RBMS2: variants seen among roughly 807,000 people sequenced by gnomAD.
The protein encoded by RBMS2 is RNA binding motif single stranded interacting protein 2.
A neutral mutation model predicts 58.4 loss-of-function variants in RBMS2; 38 were observed. The observed-to-expected ratio is 0.65, with a 90% CI of 0.50 to 0.85. The LOEUF is 0.85. RBMS2 is among the 40% of genes least tolerant of loss of function. RBMS2 has a pLI of 0.00. For synonymous variants in RBMS2, 151 were observed against 180.7 expected (o/e 0.84, Z 1.32); for missense variants, 367 against 503.7 (o/e 0.73, Z 2.60).
intron 1 of RBMS2, among the ~76,000 whole-genome samples, chr12:56,536,557 CT>C (rs1317389712): frequency 6.6e-6 from 1 of 150,552 alleles, no homozygotes; most frequent in Non-Finnish European, 1.5e-5. Context: ...TTCTCTCCTT[CT>C]TTCTTTTTTT....
At chr12:56,581,292 G>A in intron 6 of RBMS2, 29 bp downstream of exon 6, 1 of 1,584,832 alleles carries the variant, frequency 6.3e-7, no homozygotes, top group Non-Finnish European at 8.7e-7. Flanking sequence ...AGGCTGAGAG[G>A]GCCACAGGTT....
At chr12:56,559,868 A>G (rs1880051451) in intron 1 of RBMS2, among the ~76,000 whole-genome samples, 2 of 143,924 alleles carry the variant, frequency 1.4e-5, no homozygotes, top group African/African-American at 5.0e-5. Context: ...AAAAAAAAAA[A>G]AAAAAAAGGA....
intron 1 of RBMS2, among the ~76,000 whole-genome samples, chr12:56,542,723 A>T (rs1022162866): frequency 3.4e-5 from 5 of 149,148 alleles, no homozygotes; most frequent in African/African-American, 1.2e-4. Flanking sequence ...TAATTTTAAA[A>T]TTTTTTTGTA....
intron 1 of RBMS2, chr12:56,528,046 C>T (rs1180565032): frequency 6.6e-6 from 1 of 151,952 alleles, no homozygotes; most frequent in Non-Finnish European, 1.5e-5. Context: ...CCTAGGAGTT[C>T]CAGACCAGCC....
Position 56,593,205 on chromosome 12 carries a change from A to G in RBMS2, c.*4072A>G, listed in dbSNP as rs887465242. ...GCCCAGGCTGGAGTGCAGTGGCACC[A>G]TAATGGCTCACTGCAGCCTCGACCT... On this transcript the variant is annotated 3_prime_UTR_variant, in exon 14 of 14. Transcript: ENST00000262031. The G allele has an allele frequency of 2.0e-5, 3 of 152,318 alleles. No individual in the cohort carries two copies. Among genetic ancestry groups the G allele is most frequent in the African/African-American group, 7.2e-5 (3 of 41,442 alleles). The allele number at this position is 152,318 out of a possible 1,614,324, so 9.4% of individuals were successfully genotyped here.
chr12:56,569,990 G>A lies in RBMS2; in HGVS notation c.384G>A (p.Lys128=). The A allele has an allele frequency of 6.2e-7, 1 of 1,608,214 alleles. No homozygotes were observed. The highest frequency in any genetic ancestry group is 8.5e-7 in the Non-Finnish European group (1 of 1,174,626). The part of the protein sequence containing the change: ...KASGVQAQMA[K]QQEQDPTNLY... ...GCGGTGTACAGGCACAGATGGCAAA[G>A]GTAAGGGTACTACCCCATGTCTGTT... The change falls in exon 4 of 14, where the codon AAG becomes AAA. Residue 128 remains lysine (K), a splice_region_variant and synonymous_variant. Transcript: ENST00000262031.
chr12:56,588,302 G>A lies in RBMS2; in HGVS notation c.1071G>A (p.Pro357=), dbSNP rs201756438. The A allele has an allele frequency of 4.5e-4, 727 of 1,613,474 alleles. 3 individuals are homozygous for A. Among genetic ancestry groups the A allele is most frequent in the Middle Eastern group, 2.5e-3 (15 of 6,030 alleles). The change falls in exon 12 of 14, where the codon CCG becomes CCA. Residue 357 remains proline, a synonymous_variant. Transcript: ENST00000262031. ...LSLSSTGTYM[P]TAAAMQGAYI... is the part of the protein sequence containing the mutation. The stretch of plus-strand genomic sequence containing the variant: ...GATGTTTCTCTTTCTAGTATATGCC[G>A]ACGGCTGCAGCTATGCAAGGAGCTT...
chr12:56,527,148 TA>T (rs1170655556), intron 1 of RBMS2, among the ~76,000 whole-genome samples: 2 of 152,196 alleles, frequency 1.3e-5, no homozygotes, highest in Admixed American at 1.3e-4. Flanking sequence ...TGGATTCACT[TA>T]GTACTTCTAA....
At chr12:56,523,632 C>T (rs1243091045) in intron 1 of RBMS2, among the ~76,000 whole-genome samples, 3 of 151,960 alleles carry the variant, frequency 2.0e-5, no homozygotes, top group African/African-American at 4.8e-5. Context: ...TGGTGGCACG[C>T]GCCTGTAATC....
At chr12:56,552,251 G>T (rs935185051) in intron 1 of RBMS2, among the ~76,000 whole-genome samples, 1 of 152,202 alleles carries the variant, frequency 6.6e-6, no homozygotes, top group Non-Finnish European at 1.5e-5. Flanking sequence ...TTCCCTGGAG[G>T]TGGGAAGTAG....
In RBMS2 at chr12:56,594,858, TA is replaced by T. The variant is rs1885597653; in HGVS notation, c.*5726del. The T allele has an allele frequency of 6.6e-6, 1 of 152,208 alleles. No homozygotes were observed. Among genetic ancestry groups the T allele is most frequent in the South Asian group, 2.1e-4 (1 of 4,834 alleles). 9.4% of individuals were successfully genotyped at this position (152,208 alleles called of 1,614,324 possible). A position where few individuals can be genotyped will look rare whatever the true frequency, so the allele number is the denominator to read the frequency against. ...ACCTCACAATTCAACAACAGGTAAA[TA>T]CCTGGATTCACTGATTTCTTTACTG... On this transcript the variant is annotated 3_prime_UTR_variant, in exon 14 of 14. Transcript: ENST00000262031.
intron 1 of RBMS2, among the ~76,000 whole-genome samples, chr12:56,551,317 T>C (rs1592387300): frequency 6.6e-6 from 1 of 152,152 alleles, no homozygotes; most frequent in South Asian, 2.1e-4. Context: ...AGAAGAGGAC[T>C]CATAATTGTA....
intron 1 of RBMS2, among the ~76,000 whole-genome samples, chr12:56,558,590 C>CTTTTT (rs10676323): frequency 0.035 from 3,214 of 92,174 alleles, 161 homozygotes; most frequent in Admixed American, 0.042. Context: ...TTTCTTTTTC[C>CTTTTT]TTTTTTTTTT....
intron 7 of RBMS2, 26 bp from the exon 8 acceptor site, chr12:56,581,807 G>A (rs1376652798): frequency 2.5e-6 from 4 of 1,613,730 alleles, no homozygotes; most frequent in Admixed American, 1.7e-5. Flanking sequence ...GGCTCACAAT[G>A]TGAACACTGT....
chr12:56,561,508 A>AT (rs1880377116), intron 1 of RBMS2, among the ~76,000 whole-genome samples: 1 of 151,522 alleles, frequency 6.6e-6, no homozygotes, highest in African/African-American at 2.4e-5. Context: ...TTTGAGTTGC[A>AT]TTTCTTTCTT....
chr12:56,531,657 C>G lies in RBMS2; in HGVS notation c.66+9568C>G, dbSNP rs1168493627. On this transcript the variant is annotated intron_variant, in intron 1 of 13. Coordinates refer to ENST00000262031, the MANE Select transcript of RBMS2 (RefSeq NM_002898.4). Reference sequence around the variant, plus strand: ...CCTGGCCAACATAGTGAAACCCAGTCCCTACTAAAAATACAAAAAAATTAG... The same window carrying G: ...CCTGGCCAACATAGTGAAACCCAGTGCCTACTAAAAATACAAAAAAATTAG... 4.6e-5 allele frequency among the ~76,000 whole-genome samples: 7 copies of G among 151,184 alleles called. No homozygotes were observed. The East Asian group carries it at 5.9e-4, about 13-fold the overall frequency.
chr12:56,546,276 G>C (rs186826611), intron 1 of RBMS2, among the ~76,000 whole-genome samples: 1,710 of 143,814 alleles, frequency 0.012, 19 homozygotes, highest in Middle Eastern at 0.033. Flanking sequence ...CGCCACCATG[G>C]GTTATTATAA....
At chr12:56,564,414 G>T (rs1880973025) in intron 2 of RBMS2, among the ~76,000 whole-genome samples, 1 of 152,014 alleles carries the variant, frequency 6.6e-6, no homozygotes, top group South Asian at 2.1e-4. Flanking sequence ...TGTCACCAAG[G>T]CTGGAGTGCA....
In RBMS2 at chr12:56,544,763, TTTTTC is replaced by T. The variant is rs1378836469; in HGVS notation, c.67-17649_67-17645del. Among the ~76,000 whole-genome samples the T allele has an allele frequency of 9.1e-3, 1,296 of 141,872 alleles. 46 individuals are homozygous for T. Among genetic ancestry groups the T allele is most frequent in the African/African-American group, 0.03 (1,142 of 38,470 alleles). The allele number at this position is 141,872 out of a possible 152,430, so 93.1% of individuals were successfully genotyped here. A position where few individuals can be genotyped will look rare whatever the true frequency, so the allele number is the denominator to read the frequency against. On this transcript the variant is annotated intron_variant, in intron 1 of 13. Transcript: ENST00000262031. Reference sequence around the variant, plus strand: ...GCCCAGCTAATTTTTAATTTTTTTTTTTTTCTTTTTTGTAGAGCTGGGACTTTGCC... The same window carrying T: ...GCCCAGCTAATTTTTAATTTTTTTTTTTTTTTGTAGAGCTGGGACTTTGCC...
Sources: allele counts gnomAD v4.1 joint callset (sites outside exome capture counted in the v4.1 genomes callset), GRCh38; gene constraint gnomAD v4.1.1; transcripts MANE v1.5; gene names NCBI Gene and HGNC (gene_info 2026-07-23, HGNC 2026-07-21).